Variants in LYZL6 observed in about 807,000 individuals in gnomAD.
LYZL6 encodes the protein lysozyme-like protein 6.
In LYZL6, 21 loss-of-function variants were observed where a neutral mutation model predicts 15.0. The observed-to-expected ratio is 1.40, with a 90% CI of 1.00 to 2.02. The LOEUF (loss-of-function observed/expected upper bound fraction) is 2.02. Among genes scored for constraint, LYZL6 ranks in the 30% most tolerant of loss-of-function variants. The pLI is 0.00. For synonymous variants in LYZL6, 72 were observed against 67.8 expected, an observed-to-expected ratio of 1.06 and a Z score of -0.31; for missense variants, 173 against 180.5, an observed-to-expected ratio of 0.96 and a Z score of 0.24.
intron 4 of LYZL6, among the ~76,000 whole-genome samples, chr17:35,935,351 G>A (rs369351601): frequency 1.3e-5 from 2 of 152,162 alleles, no homozygotes; most frequent in East Asian, 1.9e-4. Flanking sequence ...AATGTCCACC[G>A]TTGGTGAGCT....
chr17:35,934,605 G>A lies in LYZL6; in HGVS notation c.*191C>T. 1 of 558,806 alleles carries A rather than the reference G, an allele frequency of 1.8e-6. No individual in the cohort carries two copies. The highest frequency in any genetic ancestry group is 2.5e-5 in the South Asian group (1 of 39,616). 34.6% of individuals were successfully genotyped at this position (558,806 alleles called of 1,614,324 possible). A position where few individuals can be genotyped will look rare whatever the true frequency, so the allele number is the denominator to read the frequency against. ...TTTACAAATAACAGACAGGAACCAG[G>A]GGACTGGGTCCAGATGGGAGTAAGG... On this transcript the variant is annotated 3_prime_UTR_variant, in exon 5 of 5. Transcript: ENST00000615905.
Position 35,939,313 on chromosome 17 carries a change from G to T in LYZL6, c.44C>A (p.Ala15Asp), listed in dbSNP as rs752831968. The T allele has an allele frequency of 1.2e-6, 2 of 1,614,016 alleles. No individual in the cohort carries two copies. The highest frequency in any genetic ancestry group is 2.7e-5 in the African/African-American group (2 of 74,910). ...ACTGATGAGGCTGGCCTGATTTAGG[G>T]CAAGAAAGCTGCTGACCAAATAGAT... ...LLIYLVSSFL[A>D]LNQASLISRC... Residue 15 changes from alanine (A) to aspartate (D), a missense_variant, in exon 2 of 5, where the codon GCC (alanine) becomes GAC (aspartate). By Grantham distance (126) the Ala-to-Asp change is moderately radical. Transcript: ENST00000615905.
At chr17:35,934,958 C>T (rs2089358138) in intron 4 of LYZL6, 93 bp from the exon 5 acceptor site, 11 of 1,167,796 alleles carry the variant, frequency 9.4e-6, no homozygotes, top group South Asian at 1.3e-5. Context: ...TATGGAGCAA[C>T]GCCCAGAATC....
chr17:35,943,409 C>A (rs1462954329), intron 1 of LYZL6, among the ~76,000 whole-genome samples, 158 bp downstream of exon 1: 1 of 151,974 alleles, frequency 6.6e-6, no homozygotes, highest in Non-Finnish European at 1.5e-5. Context: ...AGACAAACAA[C>A]CTACTCCACA....
chr17:35,942,867 G>T (rs184462187), intron 1 of LYZL6, among the ~76,000 whole-genome samples: 4 of 152,266 alleles, frequency 2.6e-5, no homozygotes, highest in Admixed American at 2.6e-4. Flanking sequence ...AAGATGTGTG[G>T]GAATAGACAC....
chr17:35,943,140 C>A lies in LYZL6; in HGVS notation c.-203+427G>T, dbSNP rs144203589. Among the ~76,000 whole-genome samples, 935 of 152,254 alleles carry A rather than the reference C, an allele frequency of 6.1e-3. 1 individual carries two copies. The highest frequency in any genetic ancestry group is 9.9e-3 in the Non-Finnish European group (675 of 68,014). On this transcript the variant is annotated intron_variant, in intron 1 of 4. Coordinates refer to ENST00000615905, the MANE Select transcript of LYZL6 (RefSeq NM_020426.4). ...GTCTGTGACAGAGAGCTGTTCTTTCCTTTTGCCTATTAAACTCCTGCTCCA... is the reference window on the plus strand; with the variant it reads ...GTCTGTGACAGAGAGCTGTTCTTTCATTTTGCCTATTAAACTCCTGCTCCA...
At chr17:35,936,567 A>T (rs761581965) in intron 4 of LYZL6, 188 bp downstream of exon 4, 8 of 508,698 alleles carry the variant, frequency 1.6e-5, no homozygotes, top group Non-Finnish European at 2.8e-5. Context: ...TGTTACTGCA[A>T]CCAGAAGAGT....
At position 35,935,865 on chromosome 17, in the gene LYZL6, G is replaced by GT. The variant is rs1041750416; in HGVS notation, c.377+889dup. 3.3e-5 allele frequency among the ~76,000 whole-genome samples: 5 copies of GT among 149,688 alleles called. No individual in the cohort carries two copies. In the Admixed American group the frequency reaches 3.3e-4, roughly 10 times the overall value. On this transcript the variant is annotated intron_variant, in intron 4 of 4. Coordinates refer to ENST00000615905, the MANE Select transcript of LYZL6 (RefSeq NM_020426.4). Reference sequence around the variant, plus strand: ...GTCTCATTCTGCCGCCCAGGCTGGAGTGCAGTGGCGCGATCTCGGCTCACT... The same window carrying GT: ...GTCTCATTCTGCCGCCCAGGCTGGAGTTGCAGTGGCGCGATCTCGGCTCACT...
Position 35,938,611 on chromosome 17 carries a change from C to CT in LYZL6, c.139+606dup, listed in dbSNP as rs2089398263. Among the ~76,000 whole-genome samples the CT allele has an allele frequency of 2.1e-5, 3 of 142,136 alleles. No individual in the cohort carries two copies. In the South Asian group the frequency reaches 6.8e-4, roughly 32 times the overall value. 93.2% of individuals were successfully genotyped at this position (142,136 alleles called of 152,430 possible). A position where few individuals can be genotyped will look rare whatever the true frequency, so the allele number is the denominator to read the frequency against. On this transcript the variant is annotated intron_variant, in intron 2 of 4. Transcript: ENST00000615905. ...CCAGCCTGGGTGACAGAGCGAGACT[C>CT]TGTCTAAAAAAAAAAAAAAAAGGTA...
At chr17:35,940,248 A>T (rs1468801194) in intron 1 of LYZL6, among the ~76,000 whole-genome samples, 2 of 152,122 alleles carry the variant, frequency 1.3e-5, no homozygotes, top group Non-Finnish European at 2.9e-5. Flanking sequence ...CCTACCTAAA[A>T]GGGTTGTTTT....
intron 2 of LYZL6, 60 bp downstream of exon 2, chr17:35,939,158 G>A (rs1458582882): frequency 1.3e-6 from 2 of 1,554,598 alleles, no homozygotes; most frequent in Non-Finnish European, 1.8e-6. Context: ...GAAAGAAGCT[G>A]GCCATATAGG....
intron 1 of LYZL6, among the ~76,000 whole-genome samples, chr17:35,941,382 G>C (rs1465777705): frequency 6.6e-6 from 1 of 151,782 alleles, no homozygotes; most frequent in Admixed American, 6.6e-5. Context: ...TATATATTCT[G>C]TATACTAGAC....
chr17:35,937,882 G>T lies in LYZL6; in HGVS notation c.174C>A (p.Asn58Lys). The T allele has an allele frequency of 6.2e-7, 1 of 1,614,086 alleles. No individual in the cohort carries two copies. The highest frequency in any genetic ancestry group is 8.5e-7 in the Non-Finnish European group (1 of 1,180,034). The change falls in exon 3 of 5, where the codon AAC becomes AAA. Residue 58 changes from asparagine (N) to lysine (K), a missense_variant. Coordinates refer to ENST00000615905, the MANE Select transcript of LYZL6 (RefSeq NM_020426.4). ...LCLAFVESKF[N>K]ISKINENADG... Reference sequence around the variant, plus strand: ...CTGCATTTTCATTTATCTTTGATATGTTGAACTTGCTTTCCACAAAAGCCA... The same window carrying T: ...CTGCATTTTCATTTATCTTTGATATTTTGAACTTGCTTTCCACAAAAGCCA...
At chr17:35,937,613 C>G in intron 3 of LYZL6, 145 bp downstream of exon 3, 1 of 866,752 alleles carries the variant, frequency 1.2e-6, no homozygotes, top group Non-Finnish European at 1.7e-6. Flanking sequence ...GGACACTACT[C>G]CAGCCCTCTG....
rs544420321 is a variant in LYZL6, at chr17:35,936,796, G to A, written c.336C>T (p.Cys112=). The part of the protein sequence containing the change: ...LNPNLLAGIH[C]AKRIVSGARG... ...GTGCTCCGGACACAATCCTTTTTGC[G>A]CAGTGGATGCCTGCAAGAAGGTTGG... The change falls in exon 4 of 5, where the codon TGC becomes TGT. Residue 112 remains cysteine, a synonymous_variant. Coordinates refer to ENST00000615905, the MANE Select transcript of LYZL6 (RefSeq NM_020426.4). The A allele has an allele frequency of 4.4e-5, 71 of 1,613,780 alleles. No homozygotes were observed. The Admixed American group carries it at 5.0e-4, about 11-fold the overall frequency.
intron 3 of LYZL6, among the ~76,000 whole-genome samples, chr17:35,937,337 A>C (rs947903394): frequency 6.6e-6 from 1 of 152,156 alleles, no homozygotes; most frequent in Non-Finnish European, 1.5e-5. Flanking sequence ...CGGAATGGTT[A>C]AGAGCCTGTG....
At chr17:35,943,199 C>T (rs2089436744) in intron 1 of LYZL6, among the ~76,000 whole-genome samples, 1 of 152,144 alleles carries the variant, frequency 6.6e-6, no homozygotes, top group Non-Finnish European at 1.5e-5. Flanking sequence ...TCTGCGACCT[C>T]GATCTCCTTA....
At position 35,934,844 on chromosome 17, in the gene LYZL6, A is replaced by T; in HGVS notation, c.399T>A (p.Cys133Ter). 1 of 1,614,188 alleles carries T rather than the reference A, an allele frequency of 6.2e-7. No individual in the cohort carries two copies. Among genetic ancestry groups the T allele is most frequent in the Non-Finnish European group, 8.5e-7 (1 of 1,180,020 alleles). Reference sequence around the variant, plus strand: ...GCCAGTAGAAGAGTGGCCGGCCTGAACAGTGCAACCTCCATTCTACCCTGC... The same window carrying T: ...GCCAGTAGAAGAGTGGCCGGCCTGATCAGTGCAACCTCCATTCTACCCTGC... ...MNNWVEWRLH[C>*]SGRPLFYWLT... The change falls in exon 5 of 5, where the codon TGT becomes TGA. Residue 133 changes from cysteine (C) to a stop codon, truncating the protein, a stop_gained. Coordinates refer to ENST00000615905, the MANE Select transcript of LYZL6 (RefSeq NM_020426.4). LOFTEE classifies it high-confidence loss of function.
chr17:35,937,895 T>C lies in LYZL6; in HGVS notation c.161A>G (p.Glu54Gly). Residue 54 changes from glutamate to glycine, a missense_variant, in exon 3 of 5, where the codon GAA (glutamate) becomes GGA (glycine). By Grantham distance (98) the Glu-to-Gly change is moderately conservative. Transcript: ENST00000615905. ...LSDWLCLAFV[E>G]SKFNISKINE... Reference sequence around the variant, plus strand: ...TATCTTTGATATGTTGAACTTGCTTTCCACAAAAGCCAGGCACAGCCCTTA... The same window carrying C: ...TATCTTTGATATGTTGAACTTGCTTCCCACAAAAGCCAGGCACAGCCCTTA... 1 of 1,614,050 alleles carries C rather than the reference T, an allele frequency of 6.2e-7. No homozygotes were observed. The highest frequency in any genetic ancestry group is 8.5e-7 in the Non-Finnish European group (1 of 1,180,034).
Sources: gnomAD v4.1 joint callset for allele counts (sites outside exome capture counted in the v4.1 genomes callset) on GRCh38, gnomAD v4.1.1 for gene constraint, MANE v1.5 for transcripts, NCBI Gene and HGNC (gene_info 2026-07-23, HGNC 2026-07-21) for gene names.